The following USP28 variants were observed in gnomAD, a reference collection of about 807,000 sequenced individuals.
USP28 encodes ubiquitin carboxyl-terminal hydrolase 28.
USP28 carries 113 observed loss-of-function variants against 145.0 expected under a neutral mutation model. The ratio of observed to expected loss-of-function variants is 0.78; its 90% CI spans 0.67 to 0.91. USP28 has a LOEUF of 0.91. USP28 is among the 40% of genes least tolerant of loss of function. USP28 has a pLI of 0.00. For synonymous variants in USP28, 447 were observed against 450.9 expected (o/e 0.99, Z 0.11); for missense variants, 1,201 against 1,289.6 (o/e 0.93, Z 1.05).
At chr11:113,827,782 C>T (rs2135864331) in intron 10 of USP28, among the ~76,000 whole-genome samples, 1 of 152,332 alleles carries the variant, frequency 6.6e-6, no homozygotes, top group East Asian at 1.9e-4. Flanking sequence ...AAAGAGACAA[C>T]TCCATGTGCC....
intron 11 of USP28, among the ~76,000 whole-genome samples, chr11:113,826,294 A>AG (rs1555065545): frequency 3.5e-5 from 5 of 143,896 alleles, no homozygotes; most frequent in Admixed American, 7.4e-5. Context: ...AAAAAAAAAA[A>AG]AAAGAAAGAA....
chr11:113,871,377 G>A lies in USP28; in HGVS notation c.57+4068C>T, dbSNP rs1948795856. Among the ~76,000 whole-genome samples the A allele has an allele frequency of 2.6e-5, 4 of 152,134 alleles. No homozygotes were observed. The South Asian group carries it at 8.3e-4, about 32-fold the overall frequency. On this transcript the variant is annotated intron_variant, in intron 1 of 24. Coordinates refer to ENST00000003302, the Ensembl canonical transcript of USP28. ...GAAGGGACATAATAGAAAGAGAAGA[G>A]AGACATCATCTAGATCAGAGTTTGT...
intron 13 of USP28, among the ~76,000 whole-genome samples, chr11:113,817,217 T>G (rs1235877901): frequency 6.6e-6 from 1 of 152,180 alleles, no homozygotes; most frequent in Non-Finnish European, 1.5e-5. Context: ...TCCTCTTATT[T>G]CTAGCCAGTT....
At chr11:113,820,843 C>T (rs1942489245) in intron 12 of USP28, 1 of 153,984 alleles carries the variant, frequency 6.5e-6, no homozygotes. Flanking sequence ...CACCAACATC[C>T]CCATTGTCAC....
At chr11:113,851,196 C>G (rs117403037) in intron 3 of USP28, among the ~76,000 whole-genome samples, 65 of 152,328 alleles carry the variant, frequency 4.3e-4, no homozygotes, top group Non-Finnish European at 8.2e-4. Flanking sequence ...ATGCTTGTCA[C>G]TACCTCCTCC....
chr11:113,805,147 A>G, intron 19 of USP28, 101 bp from the exon 21 acceptor site: 1 of 1,075,928 alleles, frequency 9.3e-7, no homozygotes, highest in Non-Finnish European at 1.3e-6. Context: ...CTCTAAAAAG[A>G]CTTCTAAAAA....
intron 1 of USP28, chr11:113,874,957 G>A (rs765596901): frequency 2.0e-6 from 2 of 978,150 alleles, no homozygotes; most frequent in Non-Finnish European, 2.4e-6. Context: ...GGGAAGTGGT[G>A]GTAACTGGGA....
At chr11:113,875,558 G>C (rs2137384844) in exon 1 of USP28, 1 of 1,115,388 alleles carries the variant, frequency 9.0e-7, no homozygotes, top group East Asian at 5.1e-5. Context: ...CGCCGGCCCA[G>C]CCTCTCAGGA....
chr11:113,870,877 C>T (rs1028044625), intron 1 of USP28, among the ~76,000 whole-genome samples: 1 of 152,016 alleles, frequency 6.6e-6, no homozygotes, highest in African/African-American at 2.4e-5. Context: ...AAACTTTGTT[C>T]CAAAAGCAAA....
chr11:113,808,225 G>C, intron 18 of USP28, 73 bp downstream of exon 18: 1 of 1,575,280 alleles, frequency 6.3e-7, no homozygotes, highest in East Asian at 2.3e-5. Context: ...CAGAATAATA[G>C]AAATGTGAGA....
chr11:113,859,379 G>T (rs1947402326), intron 1 of USP28: 1 of 152,026 alleles, frequency 6.6e-6, no homozygotes, highest in Non-Finnish European at 1.5e-5. Context: ...ACTAAAATTG[G>T]AACAATACAG....
rs541907189 is a variant in USP28, at chr11:113,835,388, C to T, written c.535-1053G>A. ...CTAAATAAAACAGCTTCTTGGTATT[C>T]TAAAAGCCCCAGGTATATTTCCTAA... On this transcript the variant is annotated intron_variant, in intron 5 of 24. Coordinates refer to ENST00000003302, the Ensembl canonical transcript of USP28. 42 of 454,762 alleles carry T rather than the reference C, an allele frequency of 9.2e-5. 2 individuals are homozygous for T. The highest frequency in any genetic ancestry group is 6.4e-4 in the South Asian group (41 of 64,322). The allele number at this position is 454,762 out of a possible 1,614,324, so 28.2% of individuals were successfully genotyped here. A position where few individuals can be genotyped will look rare whatever the true frequency, so the allele number is the denominator to read the frequency against.
intron 3 of USP28, among the ~76,000 whole-genome samples, chr11:113,843,692 T>TA (rs995118584): frequency 4.3e-5 from 6 of 139,196 alleles, no homozygotes; most frequent in African/African-American, 8.0e-5. Flanking sequence ...AAAAAAAAAC[T>TA]AAAAAAAAAT....
chr11:113,864,684 T>G (rs1948089712), intron 1 of USP28, among the ~76,000 whole-genome samples: 1 of 152,214 alleles, frequency 6.6e-6, no homozygotes, highest in Non-Finnish European at 1.5e-5. Context: ...CTTGATTGAA[T>G]GAGGCCCACT....
intron 5 of USP28, among the ~76,000 whole-genome samples, chr11:113,835,993 G>A (rs890471389): frequency 1.3e-5 from 2 of 152,092 alleles, no homozygotes; most frequent in African/African-American, 4.8e-5. Context: ...CAGGAGAATC[G>A]CTTGAACCCT....
At chr11:113,863,957 T>C (rs1591487954) in intron 1 of USP28, among the ~76,000 whole-genome samples, 1 of 116,996 alleles carries the variant, frequency 8.5e-6, no homozygotes, top group East Asian at 2.6e-4. Flanking sequence ...AAAAAAAAAT[T>C]GCTGGTCACG....
chr11:113,857,717 AATTT>A (rs1947218886), intron 1 of USP28, among the ~76,000 whole-genome samples: 1 of 152,246 alleles, frequency 6.6e-6, no homozygotes, highest in African/African-American at 2.4e-5. Context: ...TCCAAATACT[AATTT>A]ACTAATTATT....
At chr11:113,870,443 C>T (rs1381102564) in intron 1 of USP28, among the ~76,000 whole-genome samples, 2 of 152,206 alleles carry the variant, frequency 1.3e-5, no homozygotes, top group African/African-American at 4.8e-5. Context: ...GGGAGGATCG[C>T]TTGAGCCTAG....
At chr11:113,840,550 T>C (rs745380638) in intron 5 of USP28, 48 bp downstream of exon 5, 5 of 1,576,052 alleles carry the variant, frequency 3.2e-6, no homozygotes, top group Non-Finnish European at 4.3e-6. Flanking sequence ...TTTAATAAAT[T>C]ACAAAGTTAT....
Sources: gnomAD v4.1 joint callset for allele counts (sites outside exome capture counted in the v4.1 genomes callset) on GRCh38, gnomAD v4.1.1 for gene constraint, MANE v1.5 for transcripts, NCBI Gene and HGNC (gene_info 2026-07-23, HGNC 2026-07-21) for gene names.